The following AOPEP variants were observed in gnomAD, a reference collection of about 807,000 sequenced individuals.
AOPEP encodes aminopeptidase O (putative).
AOPEP carries 77 observed loss-of-function variants against 98.1 expected under a neutral mutation model. The observed-to-expected ratio is 0.78, with a 90% CI of 0.65 to 0.95. AOPEP has a LOEUF of 0.95. AOPEP is among the 40% of genes least tolerant of loss of function. The pLI is 0.00. For missense variants in AOPEP, 1,024 were observed against 1,024.7 expected, an observed-to-expected ratio of 1.00 and a Z score of 0.01; for synonymous variants, 346 against 365.3, an observed-to-expected ratio of 0.95 and a Z score of 0.60.
At position 94,742,438 on chromosome 9, in the gene AOPEP, C is replaced by CT. The variant is rs764049492; in HGVS notation, c.-136+15700dup. Among the ~76,000 whole-genome samples, 332 of 144,446 alleles carry CT rather than the reference C, an allele frequency of 2.3e-3. 2 individuals are homozygous for CT. Among genetic ancestry groups the CT allele is most frequent in the South Asian group, 3.1e-3 (14 of 4,538 alleles). 94.8% of individuals were successfully genotyped at this position (144,446 alleles called of 152,430 possible). A position where few individuals can be genotyped will look rare whatever the true frequency, so the allele number is the denominator to read the frequency against. On this transcript the variant is annotated intron_variant, in intron 1 of 16. Transcript: ENST00000375315. ...TCATTTAGAAATGTTTATATTAATT[C>CT]TTTTTTTTTTTTTGGACTTAGTCTC... is the stretch of plus-strand genomic sequence containing the variant.
intron 16 of AOPEP, chr9:95,085,445 A>G: frequency 1.9e-6 from 1 of 532,886 alleles, no homozygotes. Flanking sequence ...CCCAGCGATG[A>G]CCTCTCTAAC....
intron 1 of AOPEP, among the ~76,000 whole-genome samples, chr9:94,748,520 A>C (rs961553027): frequency 2.0e-5 from 3 of 152,176 alleles, no homozygotes; most frequent in African/African-American, 7.2e-5. Flanking sequence ...GCTTCTCTTC[A>C]TGTTCTTATA....
chr9:95,012,523 C>T (rs567042347), intron 13 of AOPEP, among the ~76,000 whole-genome samples: 3 of 152,198 alleles, frequency 2.0e-5, no homozygotes, highest in East Asian at 3.9e-4. Flanking sequence ...TCATTCTCAT[C>T]GACATTTTAA....
At chr9:94,937,295 A>C (rs1426913395) in intron 7 of AOPEP, among the ~76,000 whole-genome samples, 1 of 152,216 alleles carries the variant, frequency 6.6e-6, no homozygotes, top group Non-Finnish European at 1.5e-5. Flanking sequence ...ACAAAAACCA[A>C]ATATACACTC....
At chr9:94,746,844 T>C (rs1354092409) in intron 1 of AOPEP, among the ~76,000 whole-genome samples, 2 of 152,154 alleles carry the variant, frequency 1.3e-5, no homozygotes, top group Non-Finnish European at 2.9e-5. Flanking sequence ...AAAATCAGTT[T>C]TTGTTTTCAA....
In AOPEP at chr9:94,759,584, G is replaced by A. The variant is rs1420032132; in HGVS notation, c.-135-65G>A. On this transcript the variant is annotated intron_variant, in intron 1 of 16. Transcript: ENST00000375315. Reference sequence around the variant, plus strand: ...GGATGGTGGTCAACTTGCAGGAGCAGCAGTTGCAGGAGCACTTAGGTCTTA... The same window carrying A: ...GGATGGTGGTCAACTTGCAGGAGCAACAGTTGCAGGAGCACTTAGGTCTTA... 21 of 550,094 alleles carry A rather than the reference G, an allele frequency of 3.8e-5. No homozygotes were observed. The Admixed American group carries it at 6.8e-4, about 18-fold the overall frequency. The allele number at this position is 550,094 out of a possible 1,614,324, so 34.1% of individuals were successfully genotyped here.
the AOPEP span, among the ~76,000 whole-genome samples, chr9:95,121,252 C>T: frequency 3.7e-3 from 569 of 152,264 alleles, 13 homozygotes; most frequent in Admixed American, 0.028. Context: ...AGTGGCTTGT[C>T]ACACCCATTT....
intron 10 of AOPEP, among the ~76,000 whole-genome samples, chr9:94,975,335 T>G (rs1162766069): frequency 6.6e-6 from 1 of 152,184 alleles, no homozygotes; most frequent in African/African-American, 2.4e-5. Context: ...TGGCACACAG[T>G]AGGTGTTCAA....
In AOPEP at chr9:94,939,578, T is replaced by A. The variant is rs139769747; in HGVS notation, c.1661+11047T>A. ...GACTCTACTACAGGTTCAGAATTTCTAATATGAAAATCTGAACAAAACTTC... is the reference window on the plus strand; with the variant it reads ...GACTCTACTACAGGTTCAGAATTTCAAATATGAAAATCTGAACAAAACTTC... On this transcript the variant is annotated intron_variant, in intron 7 of 16. Coordinates refer to ENST00000375315, the MANE Select transcript of AOPEP (RefSeq NM_001193329.3). Among the ~76,000 whole-genome samples the A allele has an allele frequency of 1.2e-3, 184 of 152,318 alleles. 1 individual carries two copies. The highest frequency in any genetic ancestry group is 4.3e-3 in the African/African-American group (179 of 41,562).
intron 5 of AOPEP, among the ~76,000 whole-genome samples, chr9:94,887,894 T>G (rs2048417710): frequency 6.6e-6 from 1 of 152,140 alleles, no homozygotes; most frequent in African/African-American, 2.4e-5. Context: ...AGAAATTCAG[T>G]GTAAACACTG....
intron 1 of AOPEP, among the ~76,000 whole-genome samples, chr9:94,736,558 G>A (rs1012023979): frequency 6.6e-6 from 1 of 152,106 alleles, no homozygotes. Context: ...TTTATGGACA[G>A]TAATAAATTA....
chr9:94,858,745 A>G (rs2135376192), intron 5 of AOPEP, among the ~76,000 whole-genome samples: 1 of 151,732 alleles, frequency 6.6e-6, no homozygotes, highest in African/African-American at 2.4e-5. Context: ...TAATGCTATA[A>G]GTGCTTTATA....
rs1354237304 is a variant in AOPEP at position 95,005,218 on chromosome 9, G to A, written c.2038G>A (p.Glu680Lys). 1.1e-5 allele frequency: 12 copies of A among 1,113,896 alleles called. No individual in the cohort carries two copies. The highest frequency in any genetic ancestry group is 1.3e-5 in the Non-Finnish European group (12 of 912,752). 69.0% of individuals were successfully genotyped at this position (1,113,896 alleles called of 1,614,324 possible). A position where few individuals can be genotyped will look rare whatever the true frequency, so the allele number is the denominator to read the frequency against. Residue 680 changes from glutamate (E) to lysine (K), a missense_variant and splice_region_variant, in exon 12 of 17, where the codon GAG (glutamate) becomes AAG (lysine). Coordinates refer to ENST00000375315, the MANE Select transcript of AOPEP (RefSeq NM_001193329.3). ...ECGLARQVRA[E>K]VTKWIGVNRR... ...CGGGCTTGCGCGGCAAGTGCGCGCC[G>A]AGGTGAGTGCGGGCGGCGCGGTCCC...
intron 13 of AOPEP, among the ~76,000 whole-genome samples, chr9:95,058,956 G>A (rs991301902): frequency 3.3e-5 from 5 of 152,198 alleles, no homozygotes; most frequent in Admixed American, 3.3e-4. Flanking sequence ...CAGTCTCACT[G>A]GGCTGCCTGG....
intron 1 of AOPEP, among the ~76,000 whole-genome samples, chr9:94,741,022 G>A (rs1587983750): frequency 1.3e-5 from 2 of 152,184 alleles, no homozygotes; most frequent in East Asian, 3.9e-4. Context: ...CCTTAAAGAT[G>A]GGGAGGTGGC....
At chr9:94,774,320 A>C (rs1198113917) in intron 3 of AOPEP, among the ~76,000 whole-genome samples, 1 of 149,262 alleles carries the variant, frequency 6.7e-6, no homozygotes, top group Non-Finnish European at 1.5e-5. Context: ...TCAAAAAAAA[A>C]AAAAAAAAAA....
downstream of AOPEP, among the ~76,000 whole-genome samples, chr9:95,088,507 C>CCTCTCT (rs59531935): frequency 7.6e-4 from 114 of 149,068 alleles, no homozygotes; most frequent in South Asian, 4.7e-3. Flanking sequence ...CTGTACCCGG[C>CCTCTCT]CTCTCTCTCT....
At chr9:94,729,512 G>T (rs765648731) in intron 1 of AOPEP, among the ~76,000 whole-genome samples, 1 of 151,692 alleles carries the variant, frequency 6.6e-6, no homozygotes, top group Admixed American at 6.6e-5. Flanking sequence ...GGTCGAGGCT[G>T]CAGTGAGCTG....
chr9:94,933,597 A>G, intron 7 of AOPEP: 1 of 985,412 alleles, frequency 1.0e-6, no homozygotes, highest in Non-Finnish European at 1.2e-6. Context: ...TGATCACAAA[A>G]ACATCCCTTA....
Sources: gnomAD v4.1 joint callset for allele counts (sites outside exome capture counted in the v4.1 genomes callset) on GRCh38, gnomAD v4.1.1 for gene constraint, MANE v1.5 for transcripts, NCBI Gene and HGNC (gene_info 2026-07-23, HGNC 2026-07-21) for gene names.